The following EPB41L5 variants were observed in gnomAD, a reference collection of about 807,000 sequenced individuals.
EPB41L5 encodes the protein erythrocyte membrane protein band 4.1 like 5, also known as band 4.1-like protein 5.
Under a neutral mutation model 106.6 loss-of-function variants are expected in EPB41L5, and 55 were observed. That is an observed-to-expected ratio of 0.52 (90% CI 0.42 to 0.65). The LOEUF is 0.65. Among genes scored for constraint, EPB41L5 ranks in the 30% least tolerant of loss-of-function variants. EPB41L5 has a pLI of 0.00. For missense variants in EPB41L5, 871 were observed against 882.1 expected (o/e 0.99, Z 0.16); for synonymous variants, 297 against 306.7 (o/e 0.97, Z 0.33).
intron 22 of EPB41L5, among the ~76,000 whole-genome samples, chr2:120,166,447 T>C (rs1218598484): frequency 1.5e-5 from 2 of 129,162 alleles, no homozygotes; most frequent in Non-Finnish European, 3.4e-5. Flanking sequence ...GGTAGGAAAG[T>C]CAGATTTTGT....
intron 20 of EPB41L5, among the ~76,000 whole-genome samples, chr2:120,149,910 T>TC (rs1686592253): frequency 1.3e-5 from 2 of 151,314 alleles, no homozygotes; most frequent in Admixed American, 6.6e-5. Flanking sequence ...TTTTTTTTTT[T>TC]TTGAGACAGG....
At chr2:120,061,232 T>A (rs1411972869) in intron 3 of EPB41L5, among the ~76,000 whole-genome samples, 12 of 148,036 alleles carry the variant, frequency 8.1e-5, no homozygotes, top group Non-Finnish European at 7.5e-5. Flanking sequence ...TTTTTTATTT[T>A]TTTTTTTTGA....
intron 21 of EPB41L5, among the ~76,000 whole-genome samples, chr2:120,164,106 T>G (rs1199693085): frequency 6.8e-6 from 1 of 147,194 alleles, no homozygotes; most frequent in African/African-American, 2.5e-5. Flanking sequence ...CCTCAGCCTC[T>G]CGAGTAGCTG....
chr2:120,137,734 C>G (rs1685988684), intron 18 of EPB41L5, among the ~76,000 whole-genome samples: 1 of 151,964 alleles, frequency 6.6e-6, no homozygotes, highest in Non-Finnish European at 1.5e-5. Context: ...AAAGAAAAGC[C>G]CAGGACCTGA....
Position 120,091,642 on chromosome 2 carries a change from A to C in EPB41L5, c.1131A>C (p.Arg377Ser), listed in dbSNP as rs1348834012. ...FERRPSKRYSRRTLQMKACAT... is the reference protein window; with the variant it reads ...FERRPSKRYSSRTLQMKACAT... ...GAAGGCCCAGCAAACGATATTCTAG[A>C]CGAACTCTACAAATGAAAGGTGAAG... The change falls in exon 13 of 25, where the codon AGA (arginine) becomes AGC (serine). Residue 377 changes from arginine (R) to serine (S), a missense_variant. Coordinates refer to ENST00000263713, the MANE Select transcript of EPB41L5 (RefSeq NM_020909.4). 2 of 1,613,214 alleles carry C rather than the reference A, an allele frequency of 1.2e-6. No homozygotes were observed.
At chr2:120,043,497 A>G (rs1450251970) in intron 3 of EPB41L5, among the ~76,000 whole-genome samples, 2 of 151,976 alleles carry the variant, frequency 1.3e-5, no homozygotes, top group Non-Finnish European at 2.9e-5. Context: ...CAGTGAGCCA[A>G]GATTGCGCCA....
chr2:120,099,851 G>A (rs554588522), intron 14 of EPB41L5, among the ~76,000 whole-genome samples: 1 of 152,294 alleles, frequency 6.6e-6, no homozygotes, highest in South Asian at 2.1e-4. Context: ...AGTTGTTGCC[G>A]ACACTGGAAA....
Position 120,074,085 on chromosome 2 carries a change from T to C in EPB41L5, c.329-15T>C. ...AGTTTATTTTATTAAAACCTTTTTT[T>C]TTTTTAAATGACAGTTGGTTCACCC... On this transcript the variant is annotated splice_polypyrimidine_tract_variant and intron_variant, in intron 4 of 24. Transcript: ENST00000263713. The C allele has an allele frequency of 6.3e-7, 1 of 1,581,178 alleles. No homozygotes were observed. The highest frequency in any genetic ancestry group is 8.6e-7 in the Non-Finnish European group (1 of 1,163,862).
At chr2:120,173,079 A>C (rs1687756234) in intron 24 of EPB41L5, among the ~76,000 whole-genome samples, 1 of 152,108 alleles carries the variant, frequency 6.6e-6, no homozygotes, top group Non-Finnish European at 1.5e-5. Flanking sequence ...CAACAACAAC[A>C]AACCCACTAA....
intron 19 of EPB41L5, among the ~76,000 whole-genome samples, chr2:120,145,361 G>C (rs532839215): frequency 7.2e-4 from 110 of 152,282 alleles, no homozygotes; most frequent in Non-Finnish European, 1.1e-3. Flanking sequence ...GAATAAAAAG[G>C]AATAAATTAG....
At chr2:120,174,448 G>A (rs541677378) in intron 24 of EPB41L5, among the ~76,000 whole-genome samples, 1 of 144,656 alleles carries the variant, frequency 6.9e-6, no homozygotes, top group African/African-American at 2.5e-5. Context: ...CTGGGCGACA[G>A]AGCAAGACCC....
intron 16 of EPB41L5, among the ~76,000 whole-genome samples, chr2:120,119,627 CTT>C (rs1685117146): frequency 7.1e-6 from 1 of 141,702 alleles, no homozygotes; most frequent in African/African-American, 2.7e-5. Context: ...TTCTCCATTT[CTT>C]TCTCTTTTTT....
intron 16 of EPB41L5, among the ~76,000 whole-genome samples, chr2:120,120,373 AG>A (rs1279242661): frequency 6.9e-6 from 1 of 145,626 alleles, no homozygotes. Flanking sequence ...CAGAGGTTGC[AG>A]TGAGCTCAGA....
rs115265088 is a variant in EPB41L5, at chr2:120,079,302, A to G, written c.803+721A>G. On this transcript the variant is annotated intron_variant, in intron 10 of 24. Coordinates refer to ENST00000263713, the MANE Select transcript of EPB41L5 (RefSeq NM_020909.4). ...ATATTTTTAGCCATTTCTGCTTTAT[A>G]TATCCCATGAAACTGCACCCTAACA... Among the ~76,000 whole-genome samples the G allele has an allele frequency of 2.4e-3, 373 of 152,324 alleles. 1 individual carries two copies. The highest frequency in any genetic ancestry group is 3.9e-3 in the Non-Finnish European group (266 of 68,032).
intron 16 of EPB41L5, among the ~76,000 whole-genome samples, chr2:120,109,711 TTAAAA>T (rs1182987503): frequency 6.6e-6 from 1 of 152,208 alleles, no homozygotes; most frequent in African/African-American, 2.4e-5. Context: ...CTCACATCAT[TTAAAA>T]AAGAACTCCC....
intron 6 of EPB41L5, 76 bp downstream of exon 6, chr2:120,075,596 G>A: frequency 7.0e-7 from 1 of 1,428,268 alleles, no homozygotes; most frequent in Non-Finnish European, 9.8e-7. Flanking sequence ...TAAGTTTATA[G>A]TTGTAAAAAA....
At chr2:120,099,893 A>G (rs1250230985) in intron 14 of EPB41L5, among the ~76,000 whole-genome samples, 1 of 152,226 alleles carries the variant, frequency 6.6e-6, no homozygotes, top group Non-Finnish European at 1.5e-5. Context: ...AAAAGAAGTG[A>G]CAGATAAGTT....
At chr2:120,073,060 T>C in intron 3 of EPB41L5, 118 bp from the exon 4 acceptor site, 1 of 830,182 alleles carries the variant, frequency 1.2e-6, no homozygotes, top group Non-Finnish European at 1.9e-6. Flanking sequence ...GTTTTTCTCT[T>C]GTGAAGTATT....
intron 14 of EPB41L5, among the ~76,000 whole-genome samples, chr2:120,094,679 A>G (rs2105376893): frequency 6.6e-6 from 1 of 151,940 alleles, no homozygotes; most frequent in African/African-American, 2.4e-5. Context: ...TGAGATCTTT[A>G]TTTTTTAACA....
Sources: allele counts gnomAD v4.1 joint callset (sites outside exome capture counted in the v4.1 genomes callset), GRCh38; gene constraint gnomAD v4.1.1; transcripts MANE v1.5; gene names NCBI Gene and HGNC (gene_info 2026-07-23, HGNC 2026-07-21).